The following NLGN1 variants were observed in gnomAD, a reference collection of about 807,000 sequenced individuals.
NLGN1 encodes neuroligin-1.
Under a neutral mutation model 65.5 loss-of-function variants are expected in NLGN1, and 12 were observed. The observed-to-expected ratio is 0.18, with a 90% CI of 0.12 to 0.30. NLGN1 has a LOEUF of 0.30. NLGN1 is among the 10% of genes least tolerant of loss of function. The pLI, the probability that NLGN1 is intolerant of heterozygous loss-of-function variation, is 1.00. For synonymous variants in NLGN1, 350 were observed against 359.5 expected, an observed-to-expected ratio of 0.97 and a Z score of 0.30; for missense variants, 750 against 1,007.1, an observed-to-expected ratio of 0.74 and a Z score of 3.46.
At position 173,939,570 on chromosome 3, in the gene NLGN1, T is replaced by G. The variant is rs1745642746; in HGVS notation, c.646+131738T>G. 1.3e-5 allele frequency among the ~76,000 whole-genome samples: 2 copies of G among 152,234 alleles called. 1 individual carries two copies. Among genetic ancestry groups the G allele is most frequent in the South Asian group, 4.1e-4 (2 of 4,832 alleles). On this transcript the variant is annotated intron_variant, in intron 4 of 6. Coordinates refer to ENST00000457714, the Ensembl canonical transcript of NLGN1. ...GATTTTCCCTTTGTGACAGTCTGTA[T>G]ATGTGTGATAGGATTGTCAAAACAG...
At chr3:174,115,195 G>A (rs936878983) in intron 4 of NLGN1, among the ~76,000 whole-genome samples, 1 of 152,140 alleles carries the variant, frequency 6.6e-6, no homozygotes, top group African/African-American at 2.4e-5. Flanking sequence ...TTAGATTTGG[G>A]TTCAAATTTT....
chr3:173,421,795 A>G (rs1715101991), intron 1 of NLGN1, among the ~76,000 whole-genome samples: 1 of 152,150 alleles, frequency 6.6e-6, no homozygotes, highest in Non-Finnish European at 1.5e-5. Flanking sequence ...TGCTAGGATT[A>G]TAGACATGAG....
At chr3:173,774,379 C>T (rs181634028) in intron 3 of NLGN1, among the ~76,000 whole-genome samples, 1 of 152,302 alleles carries the variant, frequency 6.6e-6, no homozygotes, top group Admixed American at 6.5e-5. Context: ...TGGACACTCA[C>T]TAATATTTCT....
chr3:173,691,164 C>G (rs1765412747), intron 3 of NLGN1, among the ~76,000 whole-genome samples: 1 of 152,026 alleles, frequency 6.6e-6, no homozygotes, highest in South Asian at 2.1e-4. Flanking sequence ...GGGAATACTC[C>G]TACTCCTGTC....
intron 3 of NLGN1, among the ~76,000 whole-genome samples, chr3:173,667,347 A>G (rs1437101849): frequency 6.6e-6 from 1 of 152,124 alleles, no homozygotes; most frequent in Admixed American, 6.5e-5. Context: ...GTAGATATGT[A>G]TACTTCTTTT....
At chr3:174,274,901 C>T (rs1400547207) in intron 4 of NLGN1, among the ~76,000 whole-genome samples, 2 of 151,874 alleles carry the variant, frequency 1.3e-5, no homozygotes, top group Non-Finnish European at 2.9e-5. Flanking sequence ...ACATACCTAA[C>T]ATTCCAACCA....
intron 4 of NLGN1, among the ~76,000 whole-genome samples, chr3:174,272,708 T>TAGAAAG: frequency 7.0e-6 from 1 of 143,454 alleles, no homozygotes; most frequent in Admixed American, 7.1e-5. Flanking sequence ...GATAGATAGA[T>TAGAAAG]ATAGATAGAT....
At chr3:174,243,458 A>G (rs1168969783) in intron 4 of NLGN1, among the ~76,000 whole-genome samples, 1 of 152,192 alleles carries the variant, frequency 6.6e-6, no homozygotes, top group Admixed American at 6.5e-5. Context: ...ACAGAACCAC[A>G]TTTTAATGAC....
Position 173,741,553 on chromosome 3 carries a change from C to T in NLGN1, c.494-66127C>T, listed in dbSNP as rs1397862511. Among the ~76,000 whole-genome samples the T allele has an allele frequency of 3.9e-5, 6 of 151,968 alleles. No homozygotes were observed. The East Asian group carries it at 5.8e-4, about 15-fold the overall frequency. ...TGTCACTCAGGTTGGAGTGCAGTGGCGCGATCTTGGCTCACTGCAACCTCC... is the reference window on the plus strand; with the variant it reads ...TGTCACTCAGGTTGGAGTGCAGTGGTGCGATCTTGGCTCACTGCAACCTCC... On this transcript the variant is annotated intron_variant, in intron 3 of 6. Coordinates refer to ENST00000457714, the Ensembl canonical transcript of NLGN1.
At chr3:173,719,935 TG>T (rs1770545750) in intron 3 of NLGN1, among the ~76,000 whole-genome samples, 1 of 151,960 alleles carries the variant, frequency 6.6e-6, no homozygotes, top group South Asian at 2.1e-4. Flanking sequence ...GACAACACAG[TG>T]GGACCTCGTC....
At chr3:174,100,991 G>T (rs1712315565) in intron 4 of NLGN1, among the ~76,000 whole-genome samples, 1 of 152,042 alleles carries the variant, frequency 6.6e-6, no homozygotes, top group Non-Finnish European at 1.5e-5. Flanking sequence ...GAGGCCAAGA[G>T]CATAACTGTT....
intron 2 of NLGN1, among the ~76,000 whole-genome samples, chr3:173,565,861 T>G (rs1348134968): frequency 1.3e-5 from 2 of 152,240 alleles, no homozygotes; most frequent in Non-Finnish European, 2.9e-5. Flanking sequence ...TAGATGTATG[T>G]ATTGAAGAGC....
intron 2 of NLGN1, among the ~76,000 whole-genome samples, chr3:173,488,463 G>A (rs9816777): frequency 0.17 from 26,340 of 151,748 alleles, 2,486 homozygotes; most frequent in Middle Eastern, 0.27. Context: ...TCTTTCAATG[G>A]CATTCTGTAA....
chr3:173,535,831 G>A (rs1006122374), intron 2 of NLGN1, among the ~76,000 whole-genome samples: 3 of 152,064 alleles, frequency 2.0e-5, no homozygotes, highest in African/African-American at 4.8e-5. Context: ...TTTTTGCTTC[G>A]AAATAAGGCA....
chr3:173,586,142 TA>T (rs1747405321), intron 2 of NLGN1, among the ~76,000 whole-genome samples: 1 of 148,178 alleles, frequency 6.7e-6, no homozygotes, highest in Admixed American at 6.8e-5. Context: ...CTTTTTTTTT[TA>T]AAGCCAATTC....
intron 4 of NLGN1, among the ~76,000 whole-genome samples, chr3:173,977,307 A>T (rs1044314065): frequency 2.6e-5 from 4 of 151,938 alleles, no homozygotes; most frequent in African/African-American, 9.7e-5. Flanking sequence ...AGGAGGGGGA[A>T]ACATGTCTTA....
At chr3:173,876,020 T>C (rs182873649) in intron 4 of NLGN1, among the ~76,000 whole-genome samples, 94 of 152,060 alleles carry the variant, frequency 6.2e-4, no homozygotes, top group Non-Finnish European at 1.0e-3. Flanking sequence ...CCTGAGAAAA[T>C]TTTAAAACTG....
intron 3 of NLGN1, among the ~76,000 whole-genome samples, chr3:173,670,959 T>TAAC (rs1762370157): frequency 6.6e-6 from 1 of 152,116 alleles, no homozygotes; most frequent in South Asian, 2.1e-4. Context: ...AGTGCATAGG[T>TAAC]AACAACTTTT....
intron 2 of NLGN1, among the ~76,000 whole-genome samples, chr3:173,504,683 G>A (rs1030592652): frequency 1.3e-4 from 19 of 151,848 alleles, no homozygotes; most frequent in African/African-American, 3.4e-4. Flanking sequence ...GGTTTCACAC[G>A]AACTCTCCAC....
Sources: allele counts gnomAD v4.1 joint callset (sites outside exome capture counted in the v4.1 genomes callset), GRCh38; gene constraint gnomAD v4.1.1; transcripts MANE v1.5; gene names NCBI Gene and HGNC (gene_info 2026-07-23, HGNC 2026-07-21).